Variants in USP7 observed in about 807,000 individuals in gnomAD.
USP7 encodes ubiquitin specific peptidase 7, also known as ubiquitin C-terminal hydrolase 7.
Under a neutral mutation model 162.9 loss-of-function variants are expected in USP7, and 9 were observed. The ratio of observed to expected loss-of-function variants is 0.06; its 90% CI spans 0.03 to 0.10. The LOEUF (loss-of-function observed/expected upper bound fraction) is 0.10, where lower values mean the gene tolerates loss of function less well. Ranked by LOEUF, USP7 falls within the 10% of genes least tolerant of loss-of-function variation. The pLI, the probability that USP7 is intolerant of heterozygous loss-of-function variation, is 1.00. For synonymous variants in USP7, 562 were observed against 475.9 expected (o/e 1.18, Z -2.35); for missense variants, 715 against 1,373.7 (o/e 0.52, Z 7.58).
chr16:8,900,866 C>A, intron 20 of USP7, 124 bp downstream of exon 20: 1 of 959,740 alleles, frequency 1.0e-6, no homozygotes, highest in Non-Finnish European at 1.5e-6. Context: ...TTCTCAAGAT[C>A]ATCTGAGGCC....
chr16:8,919,918 T>C (rs1897592921), intron 5 of USP7, among the ~76,000 whole-genome samples: 1 of 152,162 alleles, frequency 6.6e-6, no homozygotes, highest in South Asian at 2.1e-4. Flanking sequence ...CTAACGGCCT[T>C]GTCACCCCTC....
At chr16:8,899,830 C>CT in intron 21 of USP7, 73 bp from the exon 22 acceptor site, 1 of 1,534,152 alleles carries the variant, frequency 6.5e-7, no homozygotes, top group Non-Finnish European at 9.0e-7. Context: ...ATGGCATCAT[C>CT]TTTTACACAA....
chr16:8,907,673 C>G (rs2061881934), intron 12 of USP7, among the ~76,000 whole-genome samples: 1 of 152,038 alleles, frequency 6.6e-6, no homozygotes, highest in Non-Finnish European at 1.5e-5. Context: ...GAAACCCTGT[C>G]TCTACTAAAA....
At chr16:8,894,222 A>T in intron 30 of USP7, 118 bp from the exon 31 acceptor site, 3 of 950,920 alleles carry the variant, frequency 3.2e-6, no homozygotes, top group Non-Finnish European at 5.0e-6. Context: ...TTCGCAGGGA[A>T]GCCAGGACCT....
chr16:8,936,150 G>C (rs7200429), intron 1 of USP7, among the ~76,000 whole-genome samples: 4 of 152,076 alleles, frequency 2.6e-5, no homozygotes, highest in African/African-American at 7.2e-5. Context: ...GACCCAGCTC[G>C]GCCTCTGAGC....
chr16:8,935,352 G>A lies in USP7; in HGVS notation c.80-4955C>T, dbSNP rs551499177. ...AGCCTCCTGAGTAGCTGGGATTACA[G>A]GCACCTGCCATCATGCCCAGCTAAT... is the stretch of plus-strand genomic sequence containing the variant. On this transcript the variant is annotated intron_variant, in intron 1 of 30. Coordinates refer to ENST00000344836, the MANE Select transcript of USP7 (RefSeq NM_003470.3). 2.0e-5 allele frequency among the ~76,000 whole-genome samples: 3 copies of A among 152,180 alleles called. No homozygotes were observed. The East Asian group carries it at 5.8e-4, about 29-fold the overall frequency.
intron 2 of USP7, among the ~76,000 whole-genome samples, chr16:8,927,495 T>C (rs571241768): frequency 4.6e-4 from 70 of 152,234 alleles, no homozygotes; most frequent in African/African-American, 1.6e-3. Context: ...ATTAGTTTCA[T>C]GGAGAACAAC....
intron 1 of USP7, among the ~76,000 whole-genome samples, chr16:8,940,642 G>T (rs996179187): frequency 1.3e-5 from 2 of 152,132 alleles, no homozygotes; most frequent in Admixed American, 1.3e-4. Context: ...AAAAAAGACG[G>T]AGTTACCACA....
Position 8,914,655 on chromosome 16 carries a change from C to G in USP7, c.1078+599G>C, listed in dbSNP as rs575619047. Reference sequence around the variant, plus strand: ...CAGACACAGGCTGGACATGGCAGCTCATGTCTAATTCCAGTGCTTTGGGAG... The same window carrying G: ...CAGACACAGGCTGGACATGGCAGCTGATGTCTAATTCCAGTGCTTTGGGAG... On this transcript the variant is annotated intron_variant, in intron 10 of 30. Coordinates refer to ENST00000344836, the MANE Select transcript of USP7 (RefSeq NM_003470.3). 7.2e-5 allele frequency among the ~76,000 whole-genome samples: 11 copies of G among 152,254 alleles called. No homozygotes were observed. In the East Asian group the frequency reaches 2.1e-3, roughly 29 times the overall value.
intron 1 of USP7, among the ~76,000 whole-genome samples, chr16:8,954,987 T>A (rs1365303278): frequency 1.3e-5 from 2 of 152,136 alleles, no homozygotes; most frequent in African/African-American, 2.4e-5. Context: ...AAAAAAACAG[T>A]AACAGCAATT....
At chr16:8,937,302 TG>T (rs1898799521) in intron 1 of USP7, among the ~76,000 whole-genome samples, 1 of 152,134 alleles carries the variant, frequency 6.6e-6, no homozygotes, top group Non-Finnish European at 1.5e-5. Context: ...CCCAACACTT[TG>T]GGAGGCTGAG....
At chr16:8,901,714 T>G (rs1347061369) in intron 18 of USP7, among the ~76,000 whole-genome samples, 1 of 152,140 alleles carries the variant, frequency 6.6e-6, no homozygotes, top group African/African-American at 2.4e-5. Context: ...TATATAGTCT[T>G]TGTGGCCGCC....
intron 22 of USP7, 149 bp downstream of exon 22, chr16:8,899,453 CAG>C: frequency 1.9e-6 from 2 of 1,026,972 alleles, no homozygotes; most frequent in Non-Finnish European, 2.8e-6. Flanking sequence ...GCTCCCAAGG[CAG>C]AGAGCCTGAA....
chr16:8,919,225 G>T, intron 5 of USP7, 86 bp from the exon 6 acceptor site: 2 of 1,379,796 alleles, frequency 1.4e-6, no homozygotes, highest in Non-Finnish European at 2.1e-6. Context: ...CTCAAGGTCA[G>T]CCTTAAGGAA....
At chr16:8,898,330 A>T (rs2061721117) in intron 25 of USP7, 30 bp downstream of exon 25, 1 of 1,527,002 alleles carries the variant, frequency 6.5e-7, no homozygotes, top group Admixed American at 1.9e-5. Context: ...TCCAATAAAA[A>T]TTAAAATTCA....
chr16:8,904,699 T>G (rs1337349019), intron 14 of USP7, 134 bp from the exon 15 acceptor site: 4 of 1,340,502 alleles, frequency 3.0e-6, no homozygotes, highest in Non-Finnish European at 3.0e-6. Flanking sequence ...TCCCAGCACT[T>G]TGGGAGGCTG....
At chr16:8,937,936 A>G (rs554966052) in intron 1 of USP7, among the ~76,000 whole-genome samples, 3 of 152,274 alleles carry the variant, frequency 2.0e-5, no homozygotes, top group African/African-American at 4.8e-5. Flanking sequence ...GTGAGAAGGA[A>G]CTACCATCTG....
chr16:8,909,383 A>G (rs1396484280), intron 11 of USP7, among the ~76,000 whole-genome samples: 1 of 152,202 alleles, frequency 6.6e-6, no homozygotes, highest in Admixed American at 6.5e-5. Context: ...TTTGGTGTAC[A>G]TCAGCTCATT....
At chr16:8,960,621 C>A (rs1187734987) in intron 1 of USP7, among the ~76,000 whole-genome samples, 3 of 152,190 alleles carry the variant, frequency 2.0e-5, no homozygotes, top group Non-Finnish European at 2.9e-5. Flanking sequence ...GCTGCTAGTT[C>A]GTTAGGAACC....
Sources: allele counts gnomAD v4.1 joint callset (sites outside exome capture counted in the v4.1 genomes callset), GRCh38; gene constraint gnomAD v4.1.1; transcripts MANE v1.5; gene names NCBI Gene and HGNC (gene_info 2026-07-23, HGNC 2026-07-21).